STK39: variants seen among roughly 807,000 people sequenced by gnomAD.
STK39 encodes serine/threonine kinase 39, also known as STE20/SPS1-related proline-alanine-rich protein kinase.
Under a neutral mutation model 77.8 loss-of-function variants are expected in STK39, and 20 were observed. That is an observed-to-expected ratio of 0.26 (90% CI 0.18 to 0.37). STK39 has a LOEUF of 0.37. Ranked by LOEUF, STK39 falls within the 10% of genes least tolerant of loss-of-function variation. STK39 has a pLI of 1.00. For synonymous variants in STK39, 246 were observed against 234.1 expected, an observed-to-expected ratio of 1.05 and a Z score of -0.47; for missense variants, 479 against 656.5, an observed-to-expected ratio of 0.73 and a Z score of 2.95.
At chr2:168,137,361 G>A (rs1687866411) in intron 8 of STK39, among the ~76,000 whole-genome samples, 1 of 152,060 alleles carries the variant, frequency 6.6e-6, no homozygotes, top group Non-Finnish European at 1.5e-5. Context: ...ACCTTACCCA[G>A]GCAAGGCCAT....
intron 10 of STK39, among the ~76,000 whole-genome samples, chr2:168,101,565 C>T (rs1686827018): frequency 6.6e-6 from 1 of 151,992 alleles, no homozygotes; most frequent in South Asian, 2.1e-4. Flanking sequence ...TGGTGAAACC[C>T]CATCTCTACT....
chr2:168,204,307 G>A (rs1282389099), intron 1 of STK39, among the ~76,000 whole-genome samples: 2 of 152,096 alleles, frequency 1.3e-5, no homozygotes, highest in East Asian at 1.9e-4. Context: ...ATACAAGCAC[G>A]GGTTTCCTCA....
intron 14 of STK39, among the ~76,000 whole-genome samples, chr2:168,052,951 G>A (rs1327996176): frequency 2.0e-5 from 3 of 152,194 alleles, no homozygotes; most frequent in Non-Finnish European, 4.4e-5. Context: ...CTACACAGAT[G>A]ATGACAACCT....
chr2:168,024,020 G>T (rs949918294), intron 14 of STK39, among the ~76,000 whole-genome samples: 1 of 152,260 alleles, frequency 6.6e-6, no homozygotes, highest in Non-Finnish European at 1.5e-5. Context: ...TCAATTCCTG[G>T]ACTATCTCCC....
intron 16 of STK39, among the ~76,000 whole-genome samples, chr2:168,004,372 C>A (rs1244799443): frequency 6.6e-6 from 1 of 152,078 alleles, no homozygotes; most frequent in African/African-American, 2.4e-5. Context: ...ATTAGTGAGA[C>A]TGGGAAAAAG....
intron 1 of STK39, among the ~76,000 whole-genome samples, chr2:168,203,721 T>C (rs1689668469): frequency 6.6e-6 from 1 of 152,214 alleles, no homozygotes; most frequent in African/African-American, 2.4e-5. Flanking sequence ...GCCTCCCAAG[T>C]AGCTGGGACT....
intron 16 of STK39, among the ~76,000 whole-genome samples, chr2:168,001,518 T>TA (rs200052114): frequency 0.01 from 1,129 of 111,924 alleles, 23 homozygotes; most frequent in African/African-American, 0.031. Context: ...TCCTCTTTTT[T>TA]TAAAAAAAAA....
intron 14 of STK39, among the ~76,000 whole-genome samples, chr2:168,054,211 C>T (rs1464162180): frequency 1.3e-5 from 2 of 152,196 alleles, no homozygotes; most frequent in Non-Finnish European, 2.9e-5. Flanking sequence ...GCATTCAAAA[C>T]AGGACTGAAT....
Position 168,070,147 on chromosome 2 carries a change from T to C in STK39, c.1243-4766A>G, listed in dbSNP as rs574383730. On this transcript the variant is annotated intron_variant, in intron 12 of 17. Coordinates refer to ENST00000355999, the MANE Select transcript of STK39 (RefSeq NM_013233.3). Reference sequence around the variant, plus strand: ...GCTATATAAGCTAGGAAACACTACCTAAGGAAACTGTCCTTGCAAATACCA... The same window carrying C: ...GCTATATAAGCTAGGAAACACTACCCAAGGAAACTGTCCTTGCAAATACCA... Among the ~76,000 whole-genome samples the C allele has an allele frequency of 8.5e-5, 13 of 152,230 alleles. No individual in the cohort carries two copies. In the South Asian group the frequency reaches 2.1e-3, roughly 24 times the overall value.
rs60067513 is a variant in STK39 at position 168,223,510 on chromosome 2, CAAAAAAAAAAAAA to C, written c.208+23705_208+23717del. On this transcript the variant is annotated intron_variant, in intron 1 of 17. Transcript: ENST00000355999. The stretch of plus-strand genomic sequence containing the variant: ...TGGGTGACAGAGTGAGACTCCGTCT[CAAAAAAAAAAAAA>C]AAAAAAGAAAAGAAAATTCACTTCT... Among the ~76,000 whole-genome samples, 240 of 102,214 alleles carry C rather than the reference CAAAAAAAAAAAAA, an allele frequency of 2.3e-3. 1 individual carries two copies. The highest frequency in any genetic ancestry group is 8.4e-3 in the African/African-American group (225 of 26,814). 67.1% of individuals were successfully genotyped at this position (102,214 alleles called of 152,430 possible). A position where few individuals can be genotyped will look rare whatever the true frequency, so the allele number is the denominator to read the frequency against.
At chr2:168,063,469 AC>A (rs1553519228) in intron 14 of STK39, 30 bp downstream of exon 14, 2 of 1,578,784 alleles carry the variant, frequency 1.3e-6, no homozygotes, top group Non-Finnish European at 1.7e-6. Context: ...TATAGGAAAA[AC>A]AATGCAGAAT....
chr2:168,012,769 T>A, intron 15 of STK39, 67 bp from the exon 16 acceptor site: 3 of 1,314,830 alleles, frequency 2.3e-6, no homozygotes, highest in South Asian at 1.4e-5. Flanking sequence ...CAGTACAATG[T>A]AAAATATATA....
chr2:167,974,914 C>A (rs547713456), intron 16 of STK39, among the ~76,000 whole-genome samples: 4 of 152,210 alleles, frequency 2.6e-5, no homozygotes, highest in Admixed American at 2.0e-4. Flanking sequence ...TGAAGTAGAA[C>A]AAAAATTGAT....
chr2:168,202,821 G>A (rs1278005243), intron 1 of STK39, among the ~76,000 whole-genome samples: 2 of 152,042 alleles, frequency 1.3e-5, no homozygotes, highest in Non-Finnish European at 1.5e-5. Flanking sequence ...GAACTGAGAC[G>A]AAGCTGGGAG....
chr2:168,185,812 T>C (rs1314520580), intron 1 of STK39, among the ~76,000 whole-genome samples: 3 of 152,176 alleles, frequency 2.0e-5, no homozygotes, highest in Non-Finnish European at 4.4e-5. Flanking sequence ...AAAAAGATAT[T>C]TGCTTATATT....
chr2:168,026,588 T>C (rs1187383744), intron 14 of STK39, among the ~76,000 whole-genome samples: 1 of 152,236 alleles, frequency 6.6e-6, no homozygotes, highest in African/African-American at 2.4e-5. Flanking sequence ...TCAGGACCTC[T>C]AGACCACTGC....
intron 15 of STK39, among the ~76,000 whole-genome samples, chr2:168,016,620 C>T (rs1031997523): frequency 6.6e-6 from 1 of 152,070 alleles, no homozygotes; most frequent in African/African-American, 2.4e-5. Context: ...AGTAAACACT[C>T]CCCAATAGAG....
At chr2:168,009,666 CTGTAGACACTTAAGTGTGATGTCCA>C (rs1471142997) in intron 16 of STK39, among the ~76,000 whole-genome samples, 3 of 152,130 alleles carry the variant, frequency 2.0e-5, no homozygotes, top group Non-Finnish European at 4.4e-5. Flanking sequence ...TAAACATTGT[CTGTAGACACTTAAGTGTGATGTCCA>C]TGTAAGGCAT....
At chr2:168,214,043 C>T (rs1689961168) in intron 1 of STK39, among the ~76,000 whole-genome samples, 1 of 152,048 alleles carries the variant, frequency 6.6e-6, no homozygotes, top group Non-Finnish European at 1.5e-5. Flanking sequence ...CACGTGAAGA[C>T]CTGAGAGGCC....
Sources: gnomAD v4.1 joint callset for allele counts (sites outside exome capture counted in the v4.1 genomes callset) on GRCh38, gnomAD v4.1.1 for gene constraint, MANE v1.5 for transcripts, NCBI Gene and HGNC (gene_info 2026-07-23, HGNC 2026-07-21) for gene names.